Variants in LATS2 observed in about 807,000 individuals in gnomAD.
LATS2 encodes serine/threonine-protein kinase LATS2.
In LATS2, 24 loss-of-function variants were observed where a neutral mutation model predicts 76.0. The observed-to-expected ratio is 0.32, with a 90% CI of 0.23 to 0.44. LATS2 has a LOEUF of 0.44. Among genes scored for constraint, LATS2 ranks in the 20% least tolerant of loss-of-function variants. The pLI, the probability that LATS2 is intolerant of heterozygous loss-of-function variation, is 1.00. For synonymous variants in LATS2, 692 were observed against 635.4 expected (o/e 1.09, Z -1.34); for missense variants, 1,286 against 1,481.2 (o/e 0.87, Z 2.16).
intron 2 of LATS2, among the ~76,000 whole-genome samples, chr13:21,044,044 A>G (rs1872978360): frequency 6.6e-6 from 1 of 152,208 alleles, no homozygotes; most frequent in African/African-American, 2.4e-5. Flanking sequence ...TGCTTTCACA[A>G]TAAGAATGTC....
At position 21,042,978 on chromosome 13, in the gene LATS2, C is replaced by T. The variant is rs529343119; in HGVS notation, c.342+2707G>A. ...CAGCCTGGGCCACAGAGCGAGACTC[C>T]GTCTCAAAAAAAAAACCAAAAAACA... On this transcript the variant is annotated intron_variant, in intron 2 of 7. Transcript: ENST00000382592. Among the ~76,000 whole-genome samples the T allele has an allele frequency of 5.8e-5, 8 of 138,154 alleles. No homozygotes were observed. In the East Asian group the frequency reaches 8.5e-4, roughly 15 times the overall value. The allele number at this position is 138,154 out of a possible 152,430, so 90.6% of individuals were successfully genotyped here.
intron 5 of LATS2, among the ~76,000 whole-genome samples, chr13:20,982,777 A>G (rs1819401084): frequency 1.3e-5 from 2 of 150,176 alleles, no homozygotes; most frequent in Admixed American, 1.3e-4. Context: ...GGATCACCTG[A>G]GGTTGGGAGT....
intron 1 of LATS2, among the ~76,000 whole-genome samples, chr13:21,059,147 T>C (rs1226028184): frequency 6.6e-6 from 1 of 152,242 alleles, no homozygotes; most frequent in African/African-American, 2.4e-5. Context: ...TTGTTTCTTA[T>C]TAAAATACGG....
chr13:20,982,775 T>C (rs949132422), intron 5 of LATS2, among the ~76,000 whole-genome samples: 1 of 150,672 alleles, frequency 6.6e-6, no homozygotes. Flanking sequence ...GCGGATCACC[T>C]GAGGTTGGGA....
At chr13:20,985,578 A>C (rs1243059513) in intron 4 of LATS2, among the ~76,000 whole-genome samples, 1 of 151,668 alleles carries the variant, frequency 6.6e-6, no homozygotes, top group African/African-American at 2.4e-5. Flanking sequence ...GTCTCTACTA[A>C]ACATACAAAA....
rs138328045 is a variant in LATS2 at position 21,040,625 on chromosome 13, G to A, written c.342+5060C>T. Reference sequence around the variant, plus strand: ...CTGGGAGGCCATGCTGTGTGGCTGAGACACTGCAGAGAGCTCCTCTGTAGA... The same window carrying A: ...CTGGGAGGCCATGCTGTGTGGCTGAAACACTGCAGAGAGCTCCTCTGTAGA... On this transcript the variant is annotated intron_variant, in intron 2 of 7. Coordinates refer to ENST00000382592, the MANE Select transcript of LATS2 (RefSeq NM_014572.3). Among the ~76,000 whole-genome samples the A allele has an allele frequency of 2.6e-5, 4 of 152,266 alleles. No homozygotes were observed. In the East Asian group the frequency reaches 5.8e-4, roughly 22 times the overall value.
intron 1 of LATS2, among the ~76,000 whole-genome samples, chr13:21,053,734 A>G (rs1873357341): frequency 6.6e-6 from 1 of 152,224 alleles, no homozygotes; most frequent in South Asian, 2.1e-4. Flanking sequence ...CATATTATTC[A>G]GCTATAAAAA....
intron 2 of LATS2, among the ~76,000 whole-genome samples, chr13:20,992,619 CAGA>C (rs1275124223): frequency 6.6e-6 from 1 of 152,132 alleles, no homozygotes; most frequent in Non-Finnish European, 1.5e-5. Context: ...AGGGCTTCAG[CAGA>C]AGAAGAAAGG....
At chr13:21,001,969 A>G (rs987100049) in intron 2 of LATS2, among the ~76,000 whole-genome samples, 4 of 151,536 alleles carry the variant, frequency 2.6e-5, no homozygotes, top group Admixed American at 1.3e-4. Context: ...GCTGGAGTGC[A>G]GTGGCACTAT....
intron 7 of LATS2, among the ~76,000 whole-genome samples, chr13:20,978,258 C>G (rs1272124842): frequency 6.6e-6 from 1 of 151,958 alleles, no homozygotes; most frequent in East Asian, 1.9e-4. Context: ...TTTAGGCTCC[C>G]TGGCCTAATA....
At chr13:21,033,726 CT>C (rs1283446820) in intron 2 of LATS2, among the ~76,000 whole-genome samples, 2 of 150,066 alleles carry the variant, frequency 1.3e-5, no homozygotes, top group African/African-American at 4.9e-5. Context: ...CAACAGCTCT[CT>C]GCTGACTAAC....
chr13:21,005,777 C>G (rs2138326809), intron 2 of LATS2: 1 of 139,886 alleles, frequency 7.1e-6, no homozygotes, highest in African/African-American at 2.7e-5. Context: ...GCACTCCAGC[C>G]TGGGTGACAG....
At chr13:21,041,084 T>C (rs953357232) in intron 2 of LATS2, among the ~76,000 whole-genome samples, 1 of 152,040 alleles carries the variant, frequency 6.6e-6, no homozygotes, top group Non-Finnish European at 1.5e-5. Context: ...ACCATTCTCC[T>C]GCCTCAGCCT....
intron 7 of LATS2, among the ~76,000 whole-genome samples, chr13:20,978,408 G>C (rs1356981860): frequency 6.6e-6 from 1 of 152,108 alleles, no homozygotes; most frequent in African/African-American, 2.4e-5. Flanking sequence ...ATTTCAGAAA[G>C]CAAATGGCTG....
At chr13:21,030,998 G>A (rs375233026) in intron 2 of LATS2, among the ~76,000 whole-genome samples, 87 of 151,848 alleles carry the variant, frequency 5.7e-4, no homozygotes, top group African/African-American at 2.1e-3. Context: ...TAAAATTCTC[G>A]GTGTATTTTT....
At chr13:21,011,754 G>A (rs2138342368) in intron 2 of LATS2, among the ~76,000 whole-genome samples, 1 of 152,278 alleles carries the variant, frequency 6.6e-6, no homozygotes, top group South Asian at 2.1e-4. Context: ...CTTAAATATG[G>A]GGATATCTTT....
At chr13:21,008,959 A>G (rs1215927635) in intron 2 of LATS2, among the ~76,000 whole-genome samples, 1 of 152,236 alleles carries the variant, frequency 6.6e-6, no homozygotes, top group African/African-American at 2.4e-5. Flanking sequence ...CACAAAACCC[A>G]TAATGAATGA....
chr13:20,987,224 T>A (rs9509483), intron 4 of LATS2, among the ~76,000 whole-genome samples: 1 of 129,936 alleles, frequency 7.7e-6, no homozygotes. Context: ...AAAATAAAAA[T>A]AAAAAAAACA....
intron 2 of LATS2, among the ~76,000 whole-genome samples, chr13:20,998,850 G>T (rs1870894450): frequency 6.6e-6 from 1 of 152,138 alleles, no homozygotes; most frequent in African/African-American, 2.4e-5. Flanking sequence ...CCGGGTGGGG[G>T]CCCTGCGACA....
Sources: allele counts gnomAD v4.1 joint callset (sites outside exome capture counted in the v4.1 genomes callset), GRCh38; gene constraint gnomAD v4.1.1; transcripts MANE v1.5; gene names NCBI Gene and HGNC (gene_info 2026-07-23, HGNC 2026-07-21).